The following CNTN5 variants were observed in gnomAD, a reference collection of about 807,000 sequenced individuals.
CNTN5 encodes contactin-5.
A neutral mutation model predicts 129.1 loss-of-function variants in CNTN5; 77 were observed. That is an observed-to-expected ratio of 0.60 (90% CI 0.50 to 0.72). The LOEUF (loss-of-function observed/expected upper bound fraction) is 0.72. Among genes scored for constraint, CNTN5 ranks in the 30% least tolerant of loss-of-function variants. CNTN5 has a pLI of 0.00. For missense variants in CNTN5, 1,478 were observed against 1,328.8 expected (o/e 1.11, Z -1.75); for synonymous variants, 509 against 465.6 (o/e 1.09, Z -1.20).
chr11:99,131,599 C>T lies in CNTN5; in HGVS notation c.-210+110329C>T, dbSNP rs191916517. Among the ~76,000 whole-genome samples the T allele has an allele frequency of 3.2e-3, 486 of 152,192 alleles. 1 individual carries two copies. The highest frequency in any genetic ancestry group is 0.011 in the African/African-American group (469 of 41,512). Reference sequence around the variant, plus strand: ...AATGACCCCACAGAAACACAATCAGCCATCAGAGAATACTATAAACACCTT... The same window carrying T: ...AATGACCCCACAGAAACACAATCAGTCATCAGAGAATACTATAAACACCTT... On this transcript the variant is annotated intron_variant, in intron 1 of 24. Transcript: ENST00000524871.
At chr11:99,123,290 G>A (rs535167595) in intron 1 of CNTN5, among the ~76,000 whole-genome samples, 1 of 151,644 alleles carries the variant, frequency 6.6e-6, no homozygotes, top group Non-Finnish European at 1.5e-5. Context: ...GCATTTCTCT[G>A]ATGACTAGTG....
chr11:99,843,783 A>G (rs1048870715), intron 4 of CNTN5, among the ~76,000 whole-genome samples: 6 of 152,194 alleles, frequency 3.9e-5, no homozygotes, highest in African/African-American at 1.2e-4. Flanking sequence ...GTCCCAAAAC[A>G]TCAATGGTAC....
At position 100,201,546 on chromosome 11, in the gene CNTN5, G is replaced by A. The variant is rs571039034; in HGVS notation, c.1884+7883G>A. Among the ~76,000 whole-genome samples the A allele has an allele frequency of 1.4e-4, 21 of 151,742 alleles. No homozygotes were observed. In the South Asian group the frequency reaches 3.1e-3, roughly 23 times the overall value. On this transcript the variant is annotated intron_variant, in intron 15 of 24. Coordinates refer to ENST00000524871, the MANE Select transcript of CNTN5 (RefSeq NM_014361.4). ...TCAGTATTCAACTTTACACATAATCGGTACTTTCTTTTATTTATATCTTAA... is the reference window on the plus strand; with the variant it reads ...TCAGTATTCAACTTTACACATAATCAGTACTTTCTTTTATTTATATCTTAA...
At chr11:99,237,927 T>C (rs533284643) in intron 1 of CNTN5, among the ~76,000 whole-genome samples, 16 of 152,318 alleles carry the variant, frequency 1.1e-4, no homozygotes, top group African/African-American at 3.8e-4. Flanking sequence ...TTTTATTCAC[T>C]ATTTTGTTTA....
chr11:100,032,235 A>T (rs962769313), intron 9 of CNTN5, among the ~76,000 whole-genome samples: 1 of 152,104 alleles, frequency 6.6e-6, no homozygotes, highest in Admixed American at 6.6e-5. Flanking sequence ...AGATGCAGCA[A>T]ATTAGGTTAT....
At chr11:99,767,089 C>T (rs1944780960) in intron 3 of CNTN5, among the ~76,000 whole-genome samples, 1 of 152,016 alleles carries the variant, frequency 6.6e-6, no homozygotes, top group Non-Finnish European at 1.5e-5. Context: ...TTTATCTGTG[C>T]CGTGGGACAA....
intron 17 of CNTN5, among the ~76,000 whole-genome samples, chr11:100,259,911 C>G (rs919708068): frequency 6.6e-6 from 1 of 150,752 alleles, no homozygotes; most frequent in Admixed American, 6.6e-5. Flanking sequence ...CAAACAAATT[C>G]AAAAGCTAGC....
At chr11:99,260,115 A>G (rs1472706636) in intron 1 of CNTN5, among the ~76,000 whole-genome samples, 3 of 151,742 alleles carry the variant, frequency 2.0e-5, no homozygotes, top group Admixed American at 6.6e-5. Flanking sequence ...TTAAATCTGT[A>G]TGTAGTCTAA....
intron 8 of CNTN5, among the ~76,000 whole-genome samples, chr11:99,962,442 A>G (rs1950975181): frequency 6.6e-6 from 1 of 151,942 alleles, no homozygotes; most frequent in African/African-American, 2.4e-5. Flanking sequence ...TTTGCTGAGA[A>G]TGATGGTTTC....
intron 21 of CNTN5, among the ~76,000 whole-genome samples, chr11:100,326,911 T>C (rs1284021080): frequency 1.3e-5 from 2 of 152,042 alleles, no homozygotes; most frequent in Admixed American, 1.3e-4. Context: ...AAACTCTAAA[T>C]TGAGAATGTG....
chr11:99,123,622 C>T (rs1858467555), intron 1 of CNTN5, among the ~76,000 whole-genome samples: 1 of 148,432 alleles, frequency 6.7e-6, no homozygotes, highest in Non-Finnish European at 1.5e-5. Flanking sequence ...AGTTCTATGC[C>T]CAGAATGTTT....
intron 2 of CNTN5, among the ~76,000 whole-genome samples, chr11:99,481,800 C>A (rs1054375894): frequency 1.3e-5 from 2 of 152,138 alleles, no homozygotes; most frequent in Non-Finnish European, 2.9e-5. Context: ...ATTTTCTCCC[C>A]TGTGCCAGAA....
rs1248605438 is a variant in CNTN5, at chr11:100,037,193, GT to G, written c.981-24018del. 2.1e-5 allele frequency among the ~76,000 whole-genome samples: 3 copies of G among 141,762 alleles called. No individual in the cohort carries two copies. In the South Asian group the frequency reaches 7.2e-4, roughly 34 times the overall value. 93.0% of individuals were successfully genotyped at this position (141,762 alleles called of 152,430 possible). ...TTTAGCATGAAGGTTGTTGAATTTT[GT>G]CAAAGGCCTTTTCTGCATCTATTGA... On this transcript the variant is annotated intron_variant, in intron 9 of 24. Coordinates refer to ENST00000524871, the MANE Select transcript of CNTN5 (RefSeq NM_014361.4).
intron 6 of CNTN5, among the ~76,000 whole-genome samples, chr11:99,857,650 C>A (rs992423893): frequency 2.6e-5 from 4 of 151,970 alleles, no homozygotes; most frequent in Non-Finnish European, 5.9e-5. Context: ...CATAATTTTG[C>A]ATACTATTGG....
At chr11:100,009,081 T>C (rs1406746670) in intron 9 of CNTN5, among the ~76,000 whole-genome samples, 1 of 152,140 alleles carries the variant, frequency 6.6e-6, no homozygotes, top group Non-Finnish European at 1.5e-5. Context: ...CAAATTTTAC[T>C]ATATTTTGAT....
chr11:99,449,057 C>G (rs1944194099), intron 2 of CNTN5, among the ~76,000 whole-genome samples: 1 of 152,080 alleles, frequency 6.6e-6, no homozygotes, highest in Non-Finnish European at 1.5e-5. Context: ...GCTGTGTTTA[C>G]AGGTGTGAGC....
At chr11:99,800,732 G>T (rs1197897855) in intron 3 of CNTN5, among the ~76,000 whole-genome samples, 1 of 151,968 alleles carries the variant, frequency 6.6e-6, no homozygotes, top group African/African-American at 2.4e-5. Context: ...ATGTTTTTAT[G>T]TAAAAATAAT....
intron 3 of CNTN5, among the ~76,000 whole-genome samples, chr11:99,646,847 G>A (rs1591417099): frequency 6.7e-6 from 1 of 148,214 alleles, no homozygotes; most frequent in South Asian, 2.1e-4. Flanking sequence ...CCCTAGACTT[G>A]CTATTCAGAT....
chr11:99,332,364 GTTC>G (rs1866035775), intron 2 of CNTN5, among the ~76,000 whole-genome samples: 2 of 151,842 alleles, frequency 1.3e-5, no homozygotes, highest in Admixed American at 1.3e-4. Context: ...ATCAATATTT[GTTC>G]TTCTGCTTTT....
Sources: allele counts gnomAD v4.1 joint callset (sites outside exome capture counted in the v4.1 genomes callset), GRCh38; gene constraint gnomAD v4.1.1; transcripts MANE v1.5; gene names NCBI Gene and HGNC (gene_info 2026-07-23, HGNC 2026-07-21).